The following OR1J2 variants were observed in gnomAD, a reference collection of about 807,000 sequenced individuals.
The protein encoded by OR1J2 is olfactory receptor family 1 subfamily J member 2, also known as olfactory receptor 1J2.
For missense variants in OR1J2, 304 were observed against 246.1 expected (o/e 1.24, Z -1.57); for synonymous variants, 142 against 99.7 (o/e 1.42, Z -2.52).
the OR1J2 span, among the ~76,000 whole-genome samples, chr9:122,574,613 T>TAGAC: frequency 3.4e-5 from 5 of 146,438 alleles, no homozygotes; most frequent in African/African-American, 1.2e-4. Context: ...ATTTTCTATA[T>TAGAC]AGACAATCAA....
At chr9:122,505,631 A>G in the OR1J2 span, among the ~76,000 whole-genome samples, 1 of 152,152 alleles carries the variant, frequency 6.6e-6, no homozygotes, top group African/African-American at 2.4e-5. Context: ...ATAAATCCTC[A>G]AACATTATTA....
chr9:122,579,319 T>A, the OR1J2 span, among the ~76,000 whole-genome samples: 1 of 152,132 alleles, frequency 6.6e-6, no homozygotes, highest in African/African-American at 2.4e-5. Context: ...TTAATTTGAA[T>A]ACATTGTAAT....
the OR1J2 span, among the ~76,000 whole-genome samples, chr9:122,556,109 T>C: frequency 9.2e-5 from 14 of 152,238 alleles, no homozygotes; most frequent in African/African-American, 3.4e-4. Flanking sequence ...CAGAATGTTA[T>C]GTAGTTGGAA....
the OR1J2 span, among the ~76,000 whole-genome samples, chr9:122,557,143 G>A: frequency 7.3e-3 from 1,106 of 151,988 alleles, 11 homozygotes; most frequent in African/African-American, 0.025. Context: ...GGATATTTTG[G>A]ATTTTCTGTA....
At chr9:122,527,694 C>T in the OR1J2 span, among the ~76,000 whole-genome samples, 5 of 152,152 alleles carry the variant, frequency 3.3e-5, no homozygotes, top group Non-Finnish European at 7.4e-5. Context: ...TTTGACACAT[C>T]CTCATTCATT....
the OR1J2 span, among the ~76,000 whole-genome samples, chr9:122,524,758 G>A: frequency 6.6e-6 from 1 of 152,172 alleles, no homozygotes; most frequent in African/African-American, 2.4e-5. Context: ...GTGAATCTGA[G>A]CAGCAGATTT....
the OR1J2 span, among the ~76,000 whole-genome samples, chr9:122,559,518 C>T: frequency 6.1e-3 from 933 of 152,140 alleles, 4 homozygotes; most frequent in Non-Finnish European, 9.7e-3. Flanking sequence ...GATTCTGGTA[C>T]GTTGTCTCTT....
the OR1J2 span, among the ~76,000 whole-genome samples, chr9:122,541,526 GGCCATATACA>G: frequency 1.3e-5 from 2 of 152,228 alleles, no homozygotes; most frequent in Admixed American, 6.5e-5. Context: ...GTCTTGGGGT[GGCCATATACA>G]GCTAAGATTA....
chr9:122,500,844 CTT>C, the OR1J2 span, among the ~76,000 whole-genome samples: 1 of 151,928 alleles, frequency 6.6e-6, no homozygotes, highest in East Asian at 1.9e-4. Context: ...CTGAAAAAAA[CTT>C]TATGCAGAAA....
chr9:122,528,240 C>G, the OR1J2 span, among the ~76,000 whole-genome samples: 1 of 152,110 alleles, frequency 6.6e-6, no homozygotes, highest in African/African-American at 2.4e-5. Context: ...ATCACCTGGC[C>G]CAGAGGTCTC....
the OR1J2 span, chr9:122,526,958 G>T: frequency 6.2e-7 from 1 of 1,614,236 alleles, no homozygotes; most frequent in Non-Finnish European, 8.5e-7. Context: ...TGGCAGCCAG[G>T]AAGAAGCTGT....
chr9:122,465,910 A>T, the OR1J2 span, among the ~76,000 whole-genome samples: 1 of 152,188 alleles, frequency 6.6e-6, no homozygotes, highest in Admixed American at 6.5e-5. Context: ...TGAAAGTTAA[A>T]TTCACTGATG....
the OR1J2 span, among the ~76,000 whole-genome samples, chr9:122,492,332 C>T: frequency 6.6e-6 from 1 of 152,074 alleles, no homozygotes; most frequent in Non-Finnish European, 1.5e-5. Context: ...GACATGATTT[C>T]ATTCTTTTTA....
the OR1J2 span, among the ~76,000 whole-genome samples, chr9:122,533,014 A>G: frequency 4.6e-5 from 7 of 152,100 alleles, no homozygotes; most frequent in Admixed American, 2.6e-4. Flanking sequence ...TTGCGGCAGT[A>G]CAGCCCAGGT....
chr9:122,524,780 G>A, the OR1J2 span, among the ~76,000 whole-genome samples: 3 of 152,140 alleles, frequency 2.0e-5, no homozygotes, highest in African/African-American at 7.2e-5. Context: ...GGGTATCAGG[G>A]TGGACATAGG....
the OR1J2 span, among the ~76,000 whole-genome samples, chr9:122,517,705 T>A: frequency 2.8e-4 from 42 of 151,686 alleles, no homozygotes; most frequent in African/African-American, 1.0e-3. Flanking sequence ...GTTTAGAATA[T>A]CTTTTTGAGG....
At chr9:122,553,896 T>A in the OR1J2 span, 2 of 1,614,026 alleles carry the variant, frequency 1.2e-6, no homozygotes, top group East Asian at 2.2e-5. Context: ...CTGGGCTGTG[T>A]TTGTCATCTC....
At chr9:122,505,963 C>T (rs1000993904), upstream of OR1J2, among the ~76,000 whole-genome samples, 5 of 152,020 alleles carry the variant, frequency 3.3e-5, no homozygotes, top group East Asian at 1.9e-4. Flanking sequence ...AATAAAACCT[C>T]GAAAAAGATG....
chr9:122,526,309 G>A, the OR1J2 span: 1 of 1,200,598 alleles, frequency 8.3e-7, no homozygotes, highest in Non-Finnish European at 1.1e-6. Flanking sequence ...AAGCCCGTTT[G>A]TCTGACTCCA....
Sources: gnomAD v4.1 joint callset for allele counts (sites outside exome capture counted in the v4.1 genomes callset) on GRCh38, gnomAD v4.1.1 for gene constraint, MANE v1.5 for transcripts, NCBI Gene and HGNC (gene_info 2026-07-23, HGNC 2026-07-21) for gene names.